ZNF287: variants seen among roughly 807,000 people sequenced by gnomAD.
The protein encoded by ZNF287 is zinc finger protein 287, also known as zinc finger protein with KRAB and SCAN domains 13.
ZNF287 carries 31 observed loss-of-function variants against 73.7 expected under a neutral mutation model. That is an observed-to-expected ratio of 0.42 (90% CI 0.32 to 0.57). The LOEUF (loss-of-function observed/expected upper bound fraction) is 0.57. Ranked by LOEUF, ZNF287 falls within the 20% of genes least tolerant of loss-of-function variation. The probability of loss-of-function intolerance (pLI) is 0.13; values close to 1 mark genes in which losing one functional copy is unlikely to be tolerated. For missense variants in ZNF287, 641 were observed against 909.3 expected (o/e 0.70, Z 3.79); for synonymous variants, 301 against 307.2 (o/e 0.98, Z 0.21).
In ZNF287 at chr17:16,557,141, C is replaced by T. The variant is rs577483295; in HGVS notation, c.716-3715G>A. Among the ~76,000 whole-genome samples the T allele has an allele frequency of 2.2e-3, 335 of 152,198 alleles. 1 individual carries two copies. Among genetic ancestry groups the T allele is most frequent in the Non-Finnish European group, 3.6e-3 (242 of 68,002 alleles). ...GATTACAGGCATGAGCTACTGCACC[C>T]GACCGATAAACGCACATTTTAAACA... On this transcript the variant is annotated intron_variant, in intron 5 of 5. Transcript: ENST00000395825.
intron 1 of ZNF287, chr17:16,568,187 G>A (rs1416218864): frequency 1.3e-5 from 2 of 156,640 alleles, no homozygotes; most frequent in Non-Finnish European, 2.8e-5. Flanking sequence ...CCTCTAACCT[G>A]TTGTAACAAA....
rs1906721893 is a variant in ZNF287 at position 16,552,251 on chromosome 17, G to A, written c.1891C>T (p.Gln631Ter). 1 of 1,613,932 alleles carries A rather than the reference G, an allele frequency of 6.2e-7. No individual in the cohort carries two copies. Among genetic ancestry groups the A allele is most frequent in the Non-Finnish European group, 8.5e-7 (1 of 1,179,978 alleles). The change falls in exon 6 of 6, where the codon CAG becomes TAG. Residue 631 changes from glutamine to a stop codon, truncating the protein, a stop_gained. Coordinates refer to ENST00000395825, the MANE Select transcript of ZNF287 (RefSeq NM_020653.4). LOFTEE classifies it high-confidence loss of function. The surrounding 1 kb of genome is among the most constrained non-coding windows in gnomAD (Gnocchi z 6.5). ...TGATGTTGAGTAAGGTGCACACTCTGGCTGAATGCTTTCCCACACACACTG... is the reference window on the plus strand; with the variant it reads ...TGATGTTGAGTAAGGTGCACACTCTAGCTGAATGCTTTCCCACACACACTG... ...KCSVCGKAFS[Q>*]SVHLTQHQRI...
Position 16,567,695 on chromosome 17 carries a change from G to A in ZNF287, c.37C>T (p.Arg13Cys), listed in dbSNP as rs770967503. 3.7e-6 allele frequency: 6 copies of A among 1,613,614 alleles called. No homozygotes were observed. The highest frequency in any genetic ancestry group is 5.1e-6 in the Non-Finnish European group (6 of 1,179,716). ...ASSKRMNSSS[R>C]SQILLRWKSD... ...TTCCACCTTAGAAGGATTTGAGAAC[G>A]TGAAGAACTGTTCATCCTCTTGCTT... Residue 13 changes from arginine (R) to cysteine (C), a missense_variant, in exon 2 of 6, where the codon CGT becomes TGT. Physicochemically the swap from Arg to Cys is radical, Grantham distance 180. This residue lies in a region of ZNF287 where 357 missense variants were observed against 442.4 expected (regional missense o/e 0.81). Transcript: ENST00000395825.
At chr17:16,563,965 C>A in intron 3 of ZNF287, 140 bp from the exon 4 acceptor site, 1 of 913,668 alleles carries the variant, frequency 1.1e-6, no homozygotes, top group Non-Finnish European at 1.6e-6. Context: ...TAGTCAAAAC[C>A]CTCCCCTGAC....
Position 16,551,114 on chromosome 17 carries a change from T to C in ZNF287, c.*742A>G, listed in dbSNP as rs1300297712. Among the ~76,000 whole-genome samples the C allele has an allele frequency of 6.6e-6, 1 of 152,176 alleles. No individual in the cohort carries two copies. Among genetic ancestry groups the C allele is most frequent in the African/African-American group, 2.4e-5 (1 of 41,444 alleles). On this transcript the variant is annotated 3_prime_UTR_variant, in exon 6 of 6. Coordinates refer to ENST00000395825, the MANE Select transcript of ZNF287 (RefSeq NM_020653.4). The stretch of plus-strand genomic sequence containing the variant: ...TAAGATACTTCCAACTGTTTTTTTT[T>C]CAAACCTACTGGCTCCATATGGCAG...
chr17:16,552,407 G>A lies in ZNF287; in HGVS notation c.1735C>T (p.Leu579Phe). Residue 579 changes from leucine to phenylalanine, a missense_variant, in exon 6 of 6, where the codon CTT becomes TTT. Physicochemically the swap from Leu to Phe is conservative, Grantham distance 22. Coordinates refer to ENST00000395825, the MANE Select transcript of ZNF287 (RefSeq NM_020653.4). The surrounding 1 kb of genome is among the most constrained non-coding windows in gnomAD (Gnocchi z 6.5). ...CGKAFAHSST[L>F]IQHQTTHTGE... The stretch of plus-strand genomic sequence containing the variant: ...GTGTGAGTGGTTTGATGTTGAATAA[G>A]GGTTGAGGAATGAGCAAAGGCTTTT... 6.2e-7 allele frequency: 1 copy of A among 1,614,034 alleles called. No individual in the cohort carries two copies.
chr17:16,562,468 AGTT>A (rs1907505219), intron 5 of ZNF287, among the ~76,000 whole-genome samples: 1 of 152,178 alleles, frequency 6.6e-6, no homozygotes, highest in African/African-American at 2.4e-5. Context: ...TGGAGACAAC[AGTT>A]GTTCAAACTT....
In ZNF287 at chr17:16,552,686, C is replaced by T; in HGVS notation, c.1456G>A (p.Gly486Ser). The stretch of plus-strand genomic sequence containing the variant: ...GATGAACTATGACTGAAGGTTTTAC[C>T]ACATTCCAAGCATTTATATGGTTTC... ...GEKPYKCLEC[G>S]KTFSHSSSLI... Residue 486 changes from glycine (G) to serine (S), a missense_variant, in exon 6 of 6, where the codon GGT becomes AGT. Physicochemically the swap from Gly to Ser is moderately conservative, Grantham distance 56. Coordinates refer to ENST00000395825, the MANE Select transcript of ZNF287 (RefSeq NM_020653.4). This position sits in a 1 kb window ranked among gnomAD's most constrained non-coding sequence, Gnocchi z 6.5. 1.9e-6 allele frequency: 3 copies of T among 1,614,080 alleles called. No homozygotes were observed. Among genetic ancestry groups the T allele is most frequent in the Non-Finnish European group, 2.5e-6 (3 of 1,180,004 alleles).
chr17:16,557,088 C>G (rs557751281), intron 5 of ZNF287, among the ~76,000 whole-genome samples: 1 of 152,022 alleles, frequency 6.6e-6, no homozygotes, highest in Non-Finnish European at 1.5e-5. Flanking sequence ...CTCAGGTGAT[C>G]GCCCGCCTCA....
Position 16,563,820 on chromosome 17 carries a change from C to A in ZNF287, c.507G>T (p.Ser169=). Residue 169 remains serine, a synonymous_variant, in exon 4 of 6, where the codon TCG becomes TCT. Coordinates refer to ENST00000395825, the MANE Select transcript of ZNF287 (RefSeq NM_020653.4). The part of the protein sequence containing the change: ...GWLNDLVTKE[S]MTFKDVAVDI... Reference sequence around the variant, plus strand: ...CTACAGCCACATCTTTGAATGTCATCGATTCCTAAAATATCAAATGTAACT... The same window carrying A: ...CTACAGCCACATCTTTGAATGTCATAGATTCCTAAAATATCAAATGTAACT... 6.2e-7 allele frequency: 1 copy of A among 1,612,700 alleles called. No individual in the cohort carries two copies. Among genetic ancestry groups the A allele is most frequent in the Non-Finnish European group, 8.5e-7 (1 of 1,179,266 alleles).
At chr17:16,553,569 A>G (rs1906843064) in intron 5 of ZNF287, 143 bp from the exon 6 acceptor site, 3 of 639,730 alleles carry the variant, frequency 4.7e-6, no homozygotes, top group Non-Finnish European at 7.1e-6. Context: ...AAAACTTGGG[A>G]AAGGAGACAA....
Position 16,554,433 on chromosome 17 carries a change from C to CA in ZNF287, c.716-1008dup, listed in dbSNP as rs1470605225. On this transcript the variant is annotated intron_variant, in intron 5 of 5. Transcript: ENST00000395825. ...AGGTGATCCGCCTGCCTCAGCCTCT[C>CA]AAAGTGTTAGGGTTACAGATATGAG... 1.4e-4 allele frequency among the ~76,000 whole-genome samples: 22 copies of CA among 152,296 alleles called. No individual in the cohort carries two copies. In the East Asian group the frequency reaches 3.7e-3, roughly 25 times the overall value.
rs1907938850 is a variant in ZNF287 at position 16,569,197 on chromosome 17, G to A, written c.-444C>T. Reference sequence around the variant, plus strand: ...TCTGCTTAGCCGCGACCTCGCCTCGGCGTCACTGCGCATGTGCGCCAGAGG... The same window carrying A: ...TCTGCTTAGCCGCGACCTCGCCTCGACGTCACTGCGCATGTGCGCCAGAGG... On this transcript the variant is annotated 5_prime_UTR_variant, in exon 1 of 6. Transcript: ENST00000395825. The A allele has an allele frequency of 6.6e-6, 1 of 152,490 alleles. No homozygotes were observed. The highest frequency in any genetic ancestry group is 1.5e-5 in the Non-Finnish European group (1 of 68,274). The allele number at this position is 152,490 out of a possible 1,614,324, so 9.4% of individuals were successfully genotyped here. A position where few individuals can be genotyped will look rare whatever the true frequency, so the allele number is the denominator to read the frequency against.
At chr17:16,566,249 T>C (rs1907735004) in intron 3 of ZNF287, among the ~76,000 whole-genome samples, 1 of 152,194 alleles carries the variant, frequency 6.6e-6, no homozygotes, top group African/African-American at 2.4e-5. Context: ...AAACAAAACC[T>C]AAATCCATCT....
At position 16,547,352 on chromosome 17, in the gene ZNF287, A is replaced by C. The variant is rs1906326143; in HGVS notation, c.*4504T>G. On this transcript the variant is annotated 3_prime_UTR_variant, in exon 6 of 6. Transcript: ENST00000395825. ...TTCTTAATTGCCCTCTACTTAACCC[A>C]CTTGGCAGATTAACTGACAAGTTCT... 6.6e-6 allele frequency among the ~76,000 whole-genome samples: 1 copy of C among 152,186 alleles called. No individual in the cohort carries two copies. Among genetic ancestry groups the C allele is most frequent in the Admixed American group, 6.5e-5 (1 of 15,280 alleles).
chr17:16,556,929 C>T (rs534475053), intron 5 of ZNF287, among the ~76,000 whole-genome samples: 144 of 152,040 alleles, frequency 9.5e-4, no homozygotes, highest in Non-Finnish European at 1.7e-3. Flanking sequence ...CTCACCACAA[C>T]GTCTGCCTCC....
At chr17:16,559,719 T>C (rs1907302189) in intron 5 of ZNF287, among the ~76,000 whole-genome samples, 1 of 152,146 alleles carries the variant, frequency 6.6e-6, no homozygotes, top group Non-Finnish European at 1.5e-5. Flanking sequence ...CAGGGTTCCT[T>C]AGAGAAATCC....
chr17:16,554,363 A>G (rs950542967), intron 5 of ZNF287, among the ~76,000 whole-genome samples: 2 of 152,086 alleles, frequency 1.3e-5, no homozygotes, highest in Non-Finnish European at 2.9e-5. Context: ...TAATAGAGAC[A>G]TGGTTTCACC....
rs1230855456 is a variant in ZNF287, at chr17:16,549,320, G to A, written c.*2536C>T. Reference sequence around the variant, plus strand: ...GCATCAATTGCCTCTGTTTATCAGTGGAAGACTTTATAAATGCATTATTTA... The same window carrying A: ...GCATCAATTGCCTCTGTTTATCAGTAGAAGACTTTATAAATGCATTATTTA... On this transcript the variant is annotated 3_prime_UTR_variant, in exon 6 of 6. Coordinates refer to ENST00000395825, the MANE Select transcript of ZNF287 (RefSeq NM_020653.4). Among the ~76,000 whole-genome samples the A allele has an allele frequency of 6.6e-6, 1 of 152,022 alleles. No individual in the cohort carries two copies. Among genetic ancestry groups the A allele is most frequent in the East Asian group, 1.9e-4 (1 of 5,200 alleles).
Sources: gnomAD v4.1 joint callset for allele counts (sites outside exome capture counted in the v4.1 genomes callset) on GRCh38, gnomAD v4.1.1 for gene constraint, gnomAD v4.1.1 regional missense constraint, Gnocchi (gnomAD v3.1) non-coding constraint, MANE v1.5 for transcripts, NCBI Gene and HGNC (gene_info 2026-07-23, HGNC 2026-07-21) for gene names.